MS4A18: variants seen among roughly 807,000 people sequenced by gnomAD.
MS4A18 encodes membrane spanning 4-domains A18.
In MS4A18, 27 loss-of-function variants were observed where a neutral mutation model predicts 13.1. The observed-to-expected ratio is 2.06, with a 90% CI of 1.52 to 2.84. The LOEUF (loss-of-function observed/expected upper bound fraction) is 2.84. Ranked by LOEUF, MS4A18 falls within the 30% of genes most tolerant of loss-of-function variation. The pLI, the probability that MS4A18 is intolerant of heterozygous loss-of-function variation, is 0.00. For synonymous variants in MS4A18, 126 were observed against 76.5 expected (o/e 1.65, Z -3.38); for missense variants, 307 against 196.4 (o/e 1.56, Z -3.37).
chr11:60,725,194 T>TC (rs1554966127), upstream of MS4A18, among the ~76,000 whole-genome samples: 2 of 152,226 alleles, frequency 1.3e-5, no homozygotes, highest in East Asian at 3.9e-4. Context: ...CACTCTTTTT[T>TC]TTCTTCTTCT....
At chr11:60,740,360 G>A (rs1337666758) in intron 4 of MS4A18, among the ~76,000 whole-genome samples, 1 of 152,178 alleles carries the variant, frequency 6.6e-6, no homozygotes, top group Non-Finnish European at 1.5e-5. Context: ...TGAGCTCTCT[G>A]GGACCCCTTC....
chr11:60,741,065 C>T, exon 5 of MS4A18: 1 of 703,052 alleles, frequency 1.4e-6, no homozygotes, highest in African/African-American at 1.7e-5. Flanking sequence ...GTCTTCTCCC[C>T]TTTGCCCTCC....
At chr11:60,729,548 T>G (rs115356259) in exon 1 of MS4A18, 1 of 702,688 alleles carries the variant, frequency 1.4e-6, no homozygotes, top group Admixed American at 2.0e-5. Context: ...AGTCAACCCA[T>G]TGGGTATCAG....
chr11:60,727,456 C>T (rs563511548), upstream of MS4A18, among the ~76,000 whole-genome samples: 1 of 152,320 alleles, frequency 6.6e-6, no homozygotes, highest in African/African-American at 2.4e-5. Flanking sequence ...TACTGTCTTG[C>T]TTTCGAGTTT....
intron 4 of MS4A18, among the ~76,000 whole-genome samples, chr11:60,739,525 AC>A (rs1466340629): frequency 6.6e-6 from 1 of 152,012 alleles, no homozygotes; most frequent in Non-Finnish European, 1.5e-5. Context: ...TGCACTATAA[AC>A]GTATTATCCG....
At chr11:60,743,590 T>A (rs1853439316) in intron 5 of MS4A18, 60 bp from the exon 7 acceptor site, 1 of 669,168 alleles carries the variant, frequency 1.5e-6, no homozygotes, top group Non-Finnish European at 2.7e-6. Context: ...AAAAAAATTA[T>A]GGCCATTGTT....
upstream of MS4A18, among the ~76,000 whole-genome samples, chr11:60,728,080 A>G (rs965107179): frequency 6.6e-6 from 1 of 152,198 alleles, no homozygotes; most frequent in Non-Finnish European, 1.5e-5. Context: ...AAATTTCTAC[A>G]TGGTCGCAAT....
At chr11:60,741,298 CTTCCGGTTATTTAGCTCTTTAT>C (rs1345045385) in intron 5 of MS4A18, among the ~76,000 whole-genome samples, 155 bp downstream of exon 6, 1 of 152,178 alleles carries the variant, frequency 6.6e-6, no homozygotes, top group African/African-American at 2.4e-5. Flanking sequence ...AACTTAGTGA[CTTCCGGTTATTTAGCTCTTTAT>C]TCTGTGCATC....
At chr11:60,728,473 ATCTG>A (rs1347271174), upstream of MS4A18, among the ~76,000 whole-genome samples, 2 of 145,750 alleles carry the variant, frequency 1.4e-5, no homozygotes, top group Non-Finnish European at 3.0e-5. Flanking sequence ...TGTCTGTGTT[ATCTG>A]TCTTCCTCCC....
At chr11:60,737,237 G>A (rs1590964327) in intron 3 of MS4A18, among the ~76,000 whole-genome samples, 1 of 152,244 alleles carries the variant, frequency 6.6e-6, no homozygotes, top group Non-Finnish European at 1.5e-5. Context: ...TTGAGGAGCA[G>A]AGAGGTCAGG....
intron 2 of MS4A18, 69 bp from the exon 4 acceptor site, chr11:60,736,909 G>C: frequency 1.5e-6 from 1 of 682,254 alleles, no homozygotes; most frequent in Non-Finnish European, 2.6e-6. Flanking sequence ...GCGTCTCTGA[G>C]TGGACAGCTG....
At chr11:60,726,962 T>C (rs1296067164), upstream of MS4A18, among the ~76,000 whole-genome samples, 1 of 151,870 alleles carries the variant, frequency 6.6e-6, no homozygotes, top group African/African-American at 2.4e-5. Flanking sequence ...CAGTGTGTAA[T>C]GTTCCCCTCC....
intron 2 of MS4A18, among the ~76,000 whole-genome samples, chr11:60,734,756 C>T (rs1012400287): frequency 2.4e-4 from 36 of 150,954 alleles, no homozygotes; most frequent in Middle Eastern, 6.9e-3. Flanking sequence ...GGTTGCACAA[C>T]AATATGAATT....
downstream of MS4A18, among the ~76,000 whole-genome samples, chr11:60,744,621 C>A (rs1159829356): frequency 6.6e-6 from 1 of 152,014 alleles, no homozygotes; most frequent in Non-Finnish European, 1.5e-5. Context: ...ATATATCTGA[C>A]AAAGGACATG....
chr11:60,729,183 G>A (rs893235255), upstream of MS4A18: 6 of 606,944 alleles, frequency 9.9e-6, no homozygotes, highest in African/African-American at 9.2e-5. Flanking sequence ...AGTTTATTTT[G>A]TCTGGTACCA....
intron 1 of MS4A18, among the ~76,000 whole-genome samples, chr11:60,730,631 T>C (rs1206310197): frequency 6.6e-6 from 1 of 152,208 alleles, no homozygotes. Flanking sequence ...AGTTACAAAC[T>C]GCCTCCTGGA....
At chr11:60,732,468 C>G (rs1409133755) in intron 1 of MS4A18, among the ~76,000 whole-genome samples, 1 of 151,782 alleles carries the variant, frequency 6.6e-6, no homozygotes, top group Non-Finnish European at 1.5e-5. Flanking sequence ...GGTGGCTCAC[C>G]CCTGTAATCC....
upstream of MS4A18, among the ~76,000 whole-genome samples, chr11:60,728,632 T>C (rs1325298258): frequency 2.0e-5 from 3 of 151,936 alleles, no homozygotes; most frequent in Admixed American, 1.3e-4. Flanking sequence ...TTTCTCTGCG[T>C]GTGTGTCTGT....
chr11:60,733,701 G>A, intron 2 of MS4A18, 54 bp downstream of exon 3: 2 of 702,800 alleles, frequency 2.8e-6, no homozygotes, highest in East Asian at 2.7e-5. Context: ...GGGACAAGAA[G>A]GAAGTGGAGG....
Sources: allele counts gnomAD v4.1 joint callset (sites outside exome capture counted in the v4.1 genomes callset), GRCh38; gene constraint gnomAD v4.1.1; transcripts MANE v1.5; gene names NCBI Gene and HGNC (gene_info 2026-07-23, HGNC 2026-07-21).